The following IMMP2L variants were observed in gnomAD, a reference collection of about 807,000 sequenced individuals.
The protein encoded by IMMP2L is mitochondrial inner membrane protease subunit 2.
Under a neutral mutation model 19.3 loss-of-function variants are expected in IMMP2L, and 18 were observed. The ratio of observed to expected loss-of-function variants is 0.93; its 90% confidence interval spans 0.64 to 1.38. The LOEUF (loss-of-function observed/expected upper bound fraction) is 1.38, where lower values mean the gene tolerates loss of function less well. Among genes scored for constraint, IMMP2L ranks in the 40% most tolerant of loss-of-function variants. IMMP2L has a pLI of 0.00. For synonymous variants in IMMP2L, 76 were observed against 73.0 expected (o/e 1.04, Z -0.21); for missense variants, 233 against 218.2 (o/e 1.07, Z -0.43).
chr7:111,488,145 G>C (rs1842805732), intron 2 of IMMP2L, among the ~76,000 whole-genome samples: 1 of 152,124 alleles, frequency 6.6e-6, no homozygotes, highest in Non-Finnish European at 1.5e-5. Context: ...AAAATAATTA[G>C]AAAAGCTAAG....
intron 5 of IMMP2L, among the ~76,000 whole-genome samples, chr7:110,694,982 T>C (rs560839413): frequency 6.6e-6 from 1 of 151,990 alleles, no homozygotes; most frequent in Non-Finnish European, 1.5e-5. Context: ...TATTGTATGA[T>C]TCCATTGATA....
intron 5 of IMMP2L, among the ~76,000 whole-genome samples, chr7:110,830,706 T>C (rs1231243768): frequency 6.6e-6 from 1 of 152,130 alleles, no homozygotes; most frequent in Non-Finnish European, 1.5e-5. Flanking sequence ...GTCCCTACTG[T>C]TTATAATGTC....
At chr7:110,927,994 G>C (rs1310501266) in intron 4 of IMMP2L, among the ~76,000 whole-genome samples, 1 of 151,758 alleles carries the variant, frequency 6.6e-6, no homozygotes, top group Non-Finnish European at 1.5e-5. Context: ...TCCTGTGTTG[G>C]GGTTATTTTT....
chr7:111,519,794 A>C (rs1440692925), intron 2 of IMMP2L, among the ~76,000 whole-genome samples: 1 of 152,128 alleles, frequency 6.6e-6, no homozygotes, highest in Non-Finnish European at 1.5e-5. Context: ...GATCCAAAGT[A>C]AGGAGATTTT....
chr7:110,928,475 C>CAA (rs79902656), intron 4 of IMMP2L, among the ~76,000 whole-genome samples: 2 of 46,878 alleles, frequency 4.3e-5, no homozygotes, highest in Admixed American at 2.2e-4. Context: ...GAGAGAAAAA[C>CAA]AAAAAAAAAA....
At chr7:111,407,969 C>T (rs1834039469) in intron 3 of IMMP2L, among the ~76,000 whole-genome samples, 2 of 151,984 alleles carry the variant, frequency 1.3e-5, no homozygotes, top group Non-Finnish European at 2.9e-5. Flanking sequence ...ATCTTCAACA[C>T]AATCCTACGA....
chr7:111,094,075 C>T (rs1797147850), intron 3 of IMMP2L, among the ~76,000 whole-genome samples: 1 of 152,052 alleles, frequency 6.6e-6, no homozygotes, highest in South Asian at 2.1e-4. Flanking sequence ...TTTCTTTGTT[C>T]TTTCCTTTTT....
chr7:111,404,021 C>T (rs1263864320), intron 3 of IMMP2L, among the ~76,000 whole-genome samples: 1 of 152,136 alleles, frequency 6.6e-6, no homozygotes, highest in African/African-American at 2.4e-5. Context: ...AGCGGCATAA[C>T]ACACAGGGAG....
At position 111,417,237 on chromosome 7, in the gene IMMP2L, A is replaced by T. The variant is rs1835036170; in HGVS notation, c.239+70001T>A. ...TGTGTCCATGATTATATATTTTAGTAAAATTTGTAAAAGTAAGATACTTTG... is the reference window on the plus strand; with the variant it reads ...TGTGTCCATGATTATATATTTTAGTTAAATTTGTAAAAGTAAGATACTTTG... On this transcript the variant is annotated intron_variant, in intron 3 of 5. Coordinates refer to ENST00000405709, the MANE Select transcript of IMMP2L (RefSeq NM_032549.4). Among the ~76,000 whole-genome samples the T allele has an allele frequency of 2.0e-5, 3 of 151,804 alleles. 1 individual carries two copies. Among genetic ancestry groups the T allele is most frequent in the Admixed American group, 1.3e-4 (2 of 15,242 alleles).
rs184754161 is a variant in IMMP2L, at chr7:111,144,756, T to C, written c.240-181191A>G. Reference sequence around the variant, plus strand: ...TGAGGATTCTTGAGCATTTATTCAATAGATGTTTCTTAACTATTTATGTGC... The same window carrying C: ...TGAGGATTCTTGAGCATTTATTCAACAGATGTTTCTTAACTATTTATGTGC... On this transcript the variant is annotated intron_variant, in intron 3 of 5. Coordinates refer to ENST00000405709, the MANE Select transcript of IMMP2L (RefSeq NM_032549.4). Among the ~76,000 whole-genome samples the C allele has an allele frequency of 1.6e-3, 242 of 152,262 alleles. 2 individuals carry two copies. The highest frequency in any genetic ancestry group is 1.2e-3 in the Non-Finnish European group (84 of 68,008).
At chr7:111,262,450 G>C (rs1449200271) in intron 3 of IMMP2L, among the ~76,000 whole-genome samples, 1 of 152,026 alleles carries the variant, frequency 6.6e-6, no homozygotes, top group Admixed American at 6.6e-5. Flanking sequence ...CTGCAGCAGT[G>C]CTGTGCTTGT....
intron 3 of IMMP2L, among the ~76,000 whole-genome samples, chr7:111,412,502 T>C (rs1585001537): frequency 3.3e-5 from 5 of 152,000 alleles, no homozygotes; most frequent in African/African-American, 1.2e-4. Flanking sequence ...TCCTGAAATA[T>C]CTGGAAGTCA....
At chr7:110,733,715 A>G (rs1796429536) in intron 5 of IMMP2L, among the ~76,000 whole-genome samples, 1 of 152,146 alleles carries the variant, frequency 6.6e-6, no homozygotes, top group Non-Finnish European at 1.5e-5. Flanking sequence ...ATGTGATTAA[A>G]TTGTAAGGGC....
At chr7:110,850,552 C>T (rs188568740) in intron 5 of IMMP2L, among the ~76,000 whole-genome samples, 34 of 152,154 alleles carry the variant, frequency 2.2e-4, no homozygotes, top group East Asian at 1.7e-3. Context: ...ATGCAAGGAA[C>T]GGTACCATTC....
intron 3 of IMMP2L, among the ~76,000 whole-genome samples, chr7:111,017,772 C>G (rs1487384462): frequency 1.3e-5 from 2 of 152,066 alleles, no homozygotes; most frequent in African/African-American, 4.8e-5. Flanking sequence ...CACAAAGATC[C>G]AGACAAGTCT....
chr7:111,264,765 G>C (rs1817662561), intron 3 of IMMP2L, among the ~76,000 whole-genome samples: 1 of 151,366 alleles, frequency 6.6e-6, no homozygotes, highest in Admixed American at 6.6e-5. Flanking sequence ...AGACTCTGTT[G>C]AAGAAGCAGT....
At chr7:110,983,160 A>G (rs1366704545) in intron 3 of IMMP2L, among the ~76,000 whole-genome samples, 2 of 151,964 alleles carry the variant, frequency 1.3e-5, no homozygotes, top group Non-Finnish European at 2.9e-5. Context: ...TCTGTTATTA[A>G]AAAGAAGTTA....
intron 2 of IMMP2L, 148 bp from the exon 3 acceptor site, chr7:111,487,489 ATGAGTTTTC>A: frequency 1.9e-6 from 1 of 515,784 alleles, no homozygotes. Flanking sequence ...ACTGCAAATG[ATGAGTTTTC>A]AAAAAGGCTC....
intron 3 of IMMP2L, among the ~76,000 whole-genome samples, chr7:111,400,143 C>A (rs1014482281): frequency 6.6e-6 from 1 of 152,026 alleles, no homozygotes; most frequent in African/African-American, 2.4e-5. Flanking sequence ...GTCAGTCCCC[C>A]AACTAAACCA....
Sources: allele counts gnomAD v4.1 joint callset (sites outside exome capture counted in the v4.1 genomes callset), GRCh38; gene constraint gnomAD v4.1.1; transcripts MANE v1.5; gene names NCBI Gene and HGNC (gene_info 2026-07-23, HGNC 2026-07-21).